MAGI2: variants seen among roughly 807,000 people sequenced by gnomAD.
The protein encoded by MAGI2 is membrane associated guanylate kinase, WW and PDZ domain containing 2, also known as membrane-associated guanylate kinase, WW and PDZ domain-containing protein 2.
MAGI2 carries 35 observed loss-of-function variants against 133.3 expected under a neutral mutation model. The observed-to-expected ratio is 0.26, with a 90% CI of 0.20 to 0.35. The LOEUF (loss-of-function observed/expected upper bound fraction) is 0.35. Among genes scored for constraint, MAGI2 ranks in the 10% least tolerant of loss-of-function variants. The probability of loss-of-function intolerance (pLI) is 1.00; values close to 1 mark genes in which losing one functional copy is unlikely to be tolerated. For missense variants in MAGI2, 1,636 were observed against 1,863.4 expected, an observed-to-expected ratio of 0.88 and a Z score of 2.25; for synonymous variants, 729 against 710.6, an observed-to-expected ratio of 1.03 and a Z score of -0.41.
chr7:79,166,679 G>GA (rs888906697), intron 1 of MAGI2, among the ~76,000 whole-genome samples: 3 of 152,036 alleles, frequency 2.0e-5, no homozygotes, highest in African/African-American at 4.8e-5. Flanking sequence ...AAGGTGGGGG[G>GA]AAAAATCCTT....
intron 2 of MAGI2, among the ~76,000 whole-genome samples, chr7:78,644,382 A>C (rs1162281062): frequency 6.6e-6 from 1 of 152,118 alleles, no homozygotes; most frequent in Non-Finnish European, 1.5e-5. Flanking sequence ...CACATGAAAA[A>C]TTTATAAAGA....
At chr7:78,085,177 T>C (rs1816481839) in intron 20 of MAGI2, among the ~76,000 whole-genome samples, 2 of 152,168 alleles carry the variant, frequency 1.3e-5, no homozygotes, top group African/African-American at 2.4e-5. Flanking sequence ...TCAATTCATT[T>C]ATGTATTGAA....
At chr7:78,572,566 G>A (rs957056792) in intron 3 of MAGI2, among the ~76,000 whole-genome samples, 2 of 152,080 alleles carry the variant, frequency 1.3e-5, no homozygotes, top group African/African-American at 2.4e-5. Context: ...GTATAAAAAG[G>A]TAACAGAATT....
chr7:78,297,111 A>ATAAC (rs1797331280), intron 9 of MAGI2, among the ~76,000 whole-genome samples: 1 of 152,256 alleles, frequency 6.6e-6, no homozygotes, highest in South Asian at 2.1e-4. Flanking sequence ...GTGGTGGAGT[A>ATAAC]TAACTCTAAG....
intron 2 of MAGI2, among the ~76,000 whole-genome samples, chr7:78,815,538 GGCAACTTTTCATGAA>G (rs773926188): frequency 3.6e-4 from 55 of 151,948 alleles, no homozygotes; most frequent in Middle Eastern, 6.8e-3. Context: ...GAAGGTTTGT[GGCAACTTTTCATGAA>G]GCAAGTCTAT....
In MAGI2 at chr7:79,452,384, G is replaced by C. The variant is rs182500808; in HGVS notation, c.301+636C>G. 7.6e-3 allele frequency among the ~76,000 whole-genome samples: 1,154 copies of C among 152,308 alleles called. 10 individuals carry two copies. Among genetic ancestry groups the C allele is most frequent in the Admixed American group, 0.023 (353 of 15,300 alleles). On this transcript the variant is annotated intron_variant, in intron 1 of 21. Transcript: ENST00000354212. ...CGCGCGATGCCCACATGACACGACC[G>C]TGAGCGGGGGAGGGGGACACGGAGT...
At chr7:78,624,046 C>T (rs1365244718) in intron 3 of MAGI2, among the ~76,000 whole-genome samples, 1 of 152,050 alleles carries the variant, frequency 6.6e-6, no homozygotes, top group African/African-American at 2.4e-5. Flanking sequence ...GATGGTATCT[C>T]ATTGTGGTTT....
intron 1 of MAGI2, among the ~76,000 whole-genome samples, chr7:79,250,655 T>C (rs1833179639): frequency 6.6e-6 from 1 of 152,082 alleles, no homozygotes; most frequent in African/African-American, 2.4e-5. Context: ...GAAGAATCAA[T>C]ATTGTTAAAA....
intron 2 of MAGI2, among the ~76,000 whole-genome samples, chr7:78,633,051 A>G (rs1225115136): frequency 6.6e-6 from 1 of 152,254 alleles, no homozygotes; most frequent in Non-Finnish European, 1.5e-5. Context: ...ACCATGGAAT[A>G]CGATGCAATC....
chr7:79,144,170 A>C (rs1415395780), intron 1 of MAGI2, among the ~76,000 whole-genome samples: 1 of 152,238 alleles, frequency 6.6e-6, no homozygotes, highest in Non-Finnish European at 1.5e-5. Flanking sequence ...TGCTAGGCAC[A>C]TAAGAGGCAT....
chr7:79,408,180 A>G (rs984619875), intron 1 of MAGI2, among the ~76,000 whole-genome samples: 4 of 152,130 alleles, frequency 2.6e-5, no homozygotes, highest in African/African-American at 9.6e-5. Flanking sequence ...TAGAATTAAG[A>G]CAACAGAAAC....
chr7:79,004,025 C>G (rs1434799996), intron 2 of MAGI2, among the ~76,000 whole-genome samples: 1 of 152,106 alleles, frequency 6.6e-6, no homozygotes, highest in African/African-American at 2.4e-5. Context: ...AGTGCAGCCA[C>G]TAGGGAAAAC....
chr7:78,544,550 A>C (rs370686319), intron 3 of MAGI2, among the ~76,000 whole-genome samples: 1 of 152,186 alleles, frequency 6.6e-6, no homozygotes, highest in African/African-American at 2.4e-5. Context: ...CTTAGTGGGA[A>C]ATGCTTAGAG....
At chr7:79,023,712 T>A (rs186268167) in intron 1 of MAGI2, among the ~76,000 whole-genome samples, 11 of 152,230 alleles carry the variant, frequency 7.2e-5, no homozygotes, top group African/African-American at 2.6e-4. Flanking sequence ...GAGAGCCAAA[T>A]TGAGACTGCA....
intron 7 of MAGI2, among the ~76,000 whole-genome samples, chr7:78,360,812 C>G (rs1413551423): frequency 6.6e-6 from 1 of 152,164 alleles, no homozygotes; most frequent in African/African-American, 2.4e-5. Context: ...AGACTGTCTT[C>G]CCCGCCTTCA....
At chr7:79,013,088 A>G (rs187278079) in intron 1 of MAGI2, among the ~76,000 whole-genome samples, 103 of 152,286 alleles carry the variant, frequency 6.8e-4, no homozygotes, top group Middle Eastern at 6.8e-3. Flanking sequence ...TGGGTGTAGG[A>G]CCAAATAACA....
intron 2 of MAGI2, among the ~76,000 whole-genome samples, chr7:78,689,686 T>TC: frequency 1.3e-5 from 1 of 74,496 alleles, no homozygotes; most frequent in Non-Finnish European, 3.0e-5. Flanking sequence ...ATCTGGCTTT[T>TC]TTTTTTTTTT....
intron 4 of MAGI2, among the ~76,000 whole-genome samples, chr7:78,510,023 G>A (rs1433628605): frequency 6.6e-6 from 1 of 151,922 alleles, no homozygotes; most frequent in Non-Finnish European, 1.5e-5. Flanking sequence ...TTTTCTCCTT[G>A]TCTTCATATT....
At chr7:78,758,394 TCAAA>T (rs1824171392) in intron 2 of MAGI2, among the ~76,000 whole-genome samples, 1 of 152,134 alleles carries the variant, frequency 6.6e-6, no homozygotes, top group South Asian at 2.1e-4. Context: ...CATTTAAAAA[TCAAA>T]CAAACTTCAA....
Sources: allele counts gnomAD v4.1 joint callset (sites outside exome capture counted in the v4.1 genomes callset), GRCh38; gene constraint gnomAD v4.1.1; transcripts MANE v1.5; gene names NCBI Gene and HGNC (gene_info 2026-07-23, HGNC 2026-07-21).